Variants in LRP2 observed in about 807,000 individuals in gnomAD.
LRP2 encodes the protein LDL receptor related protein 2, also known as low-density lipoprotein receptor-related protein 2.
LRP2 carries 172 observed loss-of-function variants against 531.0 expected under a neutral mutation model. That is an observed-to-expected ratio of 0.32 (90% CI 0.29 to 0.37). The LOEUF is 0.37. Ranked by LOEUF, LRP2 falls within the 10% of genes least tolerant of loss-of-function variation. LRP2 has a pLI of 1.00. For missense variants in LRP2, 5,167 were observed against 5,868.3 expected (o/e 0.88, Z 3.90); for synonymous variants, 1,992 against 2,027.6 (o/e 0.98, Z 0.47).
At chr2:169,290,263 G>A (rs1683964414) in intron 8 of LRP2, among the ~76,000 whole-genome samples, 1 of 79,528 alleles carries the variant, frequency 1.3e-5, no homozygotes, top group Admixed American at 1.8e-4. Flanking sequence ...GGAACCAGAA[G>A]CTTTTTTTTT....
intron 46 of LRP2, among the ~76,000 whole-genome samples, chr2:169,196,164 G>A (rs982318850): frequency 7.9e-5 from 12 of 152,152 alleles, no homozygotes; most frequent in African/African-American, 2.9e-4. Context: ...GCACCTACAG[G>A]ACGTGGCCAT....
intron 35 of LRP2, among the ~76,000 whole-genome samples, chr2:169,215,252 A>G (rs781733644): frequency 1.4e-4 from 21 of 152,166 alleles, no homozygotes; most frequent in Non-Finnish European, 2.8e-4. Context: ...ATATTATGAA[A>G]AGCATCAATG....
chr2:169,240,784 C>T (rs1689775936), intron 25 of LRP2: 1 of 657,764 alleles, frequency 1.5e-6, no homozygotes, highest in East Asian at 2.7e-5. Flanking sequence ...AAACACATAA[C>T]CAAGTACAAA....
chr2:169,296,612 T>C (rs1684140284), intron 4 of LRP2, among the ~76,000 whole-genome samples: 1 of 152,036 alleles, frequency 6.6e-6, no homozygotes, highest in South Asian at 2.1e-4. Flanking sequence ...CTCTTTGCAA[T>C]AGATAAGCTA....
intron 6 of LRP2, among the ~76,000 whole-genome samples, chr2:169,293,423 A>C (rs925615978): frequency 9.9e-5 from 15 of 152,046 alleles, no homozygotes; most frequent in South Asian, 6.2e-4. Context: ...TACCCATAAT[A>C]CCAGCACTTT....
At chr2:169,339,107 G>GTTT (rs56841400) in intron 1 of LRP2, among the ~76,000 whole-genome samples, 40 of 147,598 alleles carry the variant, frequency 2.7e-4, no homozygotes, top group Non-Finnish European at 4.5e-4. Context: ...ATTCTACAGG[G>GTTT]TTTTTTTTTT....
intron 71 of LRP2, among the ~76,000 whole-genome samples, chr2:169,142,283 G>A (rs779382176): frequency 3.9e-5 from 6 of 152,140 alleles, no homozygotes; most frequent in Non-Finnish European, 7.3e-5. Flanking sequence ...CCCTTTTTCA[G>A]TTGTCAAAAC....
intron 42 of LRP2, among the ~76,000 whole-genome samples, chr2:169,203,337 C>T (rs745426257): frequency 7.9e-5 from 12 of 152,142 alleles, no homozygotes; most frequent in Admixed American, 7.9e-4. Flanking sequence ...ATAAATAATA[C>T]CTCTTAAGCA....
rs1416603479 is a variant in LRP2 at position 169,196,972 on chromosome 2, T to A, written c.8637A>T (p.Gln2879His). 6.2e-7 allele frequency: 1 copy of A among 1,614,156 alleles called. No homozygotes were observed. The highest frequency in any genetic ancestry group is 1.3e-5 in the African/African-American group (1 of 75,060). ...FQCASGRCIP[Q>H]HWYCDQETDC... ...CTGTTTCTTGATCACAATACCAATG[T>A]TGAGGAATACAGCGCCCAGATGCGC... is the stretch of plus-strand genomic sequence containing the variant. The change falls in exon 46 of 79, where the codon CAA becomes CAT. Residue 2879 changes from glutamine to histidine, a missense_variant. Coordinates refer to ENST00000649046, the MANE Select transcript of LRP2 (RefSeq NM_004525.3).
At chr2:169,314,023 A>G (rs1006904704) in intron 3 of LRP2, among the ~76,000 whole-genome samples, 24 of 152,202 alleles carry the variant, frequency 1.6e-4, no homozygotes, top group Non-Finnish European at 2.1e-4. Flanking sequence ...ATAGATATTT[A>G]GGTTCAGCAA....
chr2:169,239,645 A>T lies in LRP2; in HGVS notation c.4176T>A (p.Asp1392Glu). 2.5e-6 allele frequency: 4 copies of T among 1,614,144 alleles called. No individual in the cohort carries two copies. The highest frequency in any genetic ancestry group is 3.4e-6 in the Non-Finnish European group (4 of 1,179,952). The change falls in exon 26 of 79, where the codon GAT (aspartate) becomes GAA (glutamate). Residue 1392 changes from aspartate (D) to glutamate (E), a missense_variant. Physicochemically the swap from Asp to Glu is conservative, Grantham distance 45. Around this residue, in one of 6 missense-constraint regions of LRP2, gnomAD observed 2,811 missense variants for 3,058.0 expected, o/e 0.92. Transcript: ENST00000649046. ...ANDSKTCEDI[D>E]ECDILGSCSQ... ...TACAAGAGCCTAGAATATCACATTCATCTATGTCTTCACAGGTCTTAGAAT... is the reference window on the plus strand; with the variant it reads ...TACAAGAGCCTAGAATATCACATTCTTCTATGTCTTCACAGGTCTTAGAAT...
intron 33 of LRP2, among the ~76,000 whole-genome samples, chr2:169,221,846 T>G (rs67405786): frequency 0.11 from 16,098 of 152,234 alleles, 1,156 homozygotes; most frequent in Non-Finnish European, 0.16. Flanking sequence ...CTCCTTTTCC[T>G]AAGACTAAGG....
At chr2:169,329,802 C>T (rs1282762923) in intron 1 of LRP2, among the ~76,000 whole-genome samples, 3 of 152,162 alleles carry the variant, frequency 2.0e-5, no homozygotes, top group Non-Finnish European at 4.4e-5. Context: ...TGGCAAACTA[C>T]GAACAGGTTC....
At position 169,154,442 on chromosome 2, in the gene LRP2, GC is replaced by G; in HGVS notation, c.12295+17del. The G allele has an allele frequency of 6.2e-7, 1 of 1,607,680 alleles. No homozygotes were observed. The highest frequency in any genetic ancestry group is 8.5e-7 in the Non-Finnish European group (1 of 1,174,370). On this transcript the variant is annotated intron_variant, in intron 66 of 78. Transcript: ENST00000649046. ...AAGTCACTTAATATCAATGAAAGAT[GC>G]CAAAGTTTATACTCACTGAGGCCTA...
In LRP2 at chr2:169,275,110, T is replaced by C. The variant is rs1683517429; in HGVS notation, c.1901A>G (p.Asn634Ser). The change falls in exon 14 of 79, where the codon AAC becomes AGC. Residue 634 changes from asparagine to serine, a missense_variant. Transcript: ENST00000649046. ...VLKANKFTETNPQVYYQASLR... is the reference protein window; with the variant it reads ...VLKANKFTETSPQVYYQASLR... ...GGAAGCCTGGTAGTACACTTGTGGG[T>C]TGGTCTCTGTGAACTTGTTTGCCTT... The C allele has an allele frequency of 2.5e-6, 4 of 1,613,776 alleles. No homozygotes were observed. Among genetic ancestry groups the C allele is most frequent in the Non-Finnish European group, 3.4e-6 (4 of 1,179,854 alleles).
At position 169,213,661 on chromosome 2, in the gene LRP2, T is replaced by C. The variant is rs1271306834; in HGVS notation, c.6036A>G (p.Arg2012=). ...PNLRGLQVYH[R]RNAAESSNGC... Reference sequence around the variant, plus strand: ...ATTTCAGTGACAAATACTTACTGCGTCTGTGATAAACTTGAAGACCCCTCA... The same window carrying C: ...ATTTCAGTGACAAATACTTACTGCGCCTGTGATAAACTTGAAGACCCCTCA... Residue 2012 remains arginine, a synonymous_variant, in exon 36 of 79, where the codon AGA becomes AGG. Coordinates refer to ENST00000649046, the MANE Select transcript of LRP2 (RefSeq NM_004525.3). 1.2e-6 allele frequency: 2 copies of C among 1,611,722 alleles called. No individual in the cohort carries two copies. Among genetic ancestry groups the C allele is most frequent in the South Asian group, 1.1e-5 (1 of 91,014 alleles).
At chr2:169,137,355 A>G in intron 76 of LRP2, 37 bp downstream of exon 76, 1 of 1,332,154 alleles carries the variant, frequency 7.5e-7, no homozygotes. Flanking sequence ...ATCCAGCGAC[A>G]GCAGTAACTG....
At chr2:169,315,625 C>A (rs1684737338) in intron 3 of LRP2, among the ~76,000 whole-genome samples, 1 of 152,182 alleles carries the variant, frequency 6.6e-6, no homozygotes, top group African/African-American at 2.4e-5. Flanking sequence ...GGAAAATAAG[C>A]ACTAGTCACA....
intron 16 of LRP2, among the ~76,000 whole-genome samples, chr2:169,259,592 C>A (rs1301754029): frequency 6.6e-6 from 1 of 152,020 alleles, no homozygotes; most frequent in East Asian, 1.9e-4. Flanking sequence ...CTCTGATAAG[C>A]TGACACCACC....
Sources: gnomAD v4.1 joint callset for allele counts (sites outside exome capture counted in the v4.1 genomes callset) on GRCh38, gnomAD v4.1.1 for gene constraint, gnomAD v4.1.1 regional missense constraint, MANE v1.5 for transcripts, NCBI Gene and HGNC (gene_info 2026-07-23, HGNC 2026-07-21) for gene names.